The following SDK1 variants were observed in gnomAD, a reference collection of about 807,000 sequenced individuals.
SDK1 encodes the protein protein sidekick-1.
Under a neutral mutation model 245.5 loss-of-function variants are expected in SDK1, and 157 were observed. The observed-to-expected ratio is 0.64, with a 90% CI of 0.56 to 0.73. The LOEUF (loss-of-function observed/expected upper bound fraction) is 0.73, where lower values mean the gene tolerates loss of function less well. Among genes scored for constraint, SDK1 ranks in the 30% least tolerant of loss-of-function variants. The pLI is 0.00. For synonymous variants in SDK1, 1,647 were observed against 1,278.5 expected, an observed-to-expected ratio of 1.29 and a Z score of -6.15; for missense variants, 3,583 against 3,002.3, an observed-to-expected ratio of 1.19 and a Z score of -4.52.
chr7:3,987,122 C>G (rs891877635), intron 13 of SDK1, 64 bp from the exon 14 acceptor site: 2 of 1,568,310 alleles, frequency 1.3e-6, no homozygotes, highest in African/African-American at 1.4e-5. Context: ...TGTAAGAGCT[C>G]AGGCTCACCA....
intron 5 of SDK1, among the ~76,000 whole-genome samples, chr7:3,832,009 C>T (rs112318119): frequency 0.06 from 9,074 of 152,144 alleles, 896 homozygotes; most frequent in African/African-American, 0.2. Flanking sequence ...TGAGATCACA[C>T]CACTGTACTC....
rs114180794 is a variant in SDK1, at chr7:3,730,325, C to T, written c.713+88220C>T. Among the ~76,000 whole-genome samples, 848 of 152,166 alleles carry T rather than the reference C, an allele frequency of 5.6e-3. 6 individuals carry two copies. Among genetic ancestry groups the T allele is most frequent in the African/African-American group, 0.019 (785 of 41,504 alleles). On this transcript the variant is annotated intron_variant, in intron 4 of 44. Coordinates refer to ENST00000404826, the MANE Select transcript of SDK1 (RefSeq NM_152744.4). ...CCTGTTGTTAAAGGAATCTGACAGCCGAGGCATCAGGCTGCTTTCTTCAGC... is the reference window on the plus strand; with the variant it reads ...CCTGTTGTTAAAGGAATCTGACAGCTGAGGCATCAGGCTGCTTTCTTCAGC...
chr7:3,426,266 G>T (rs1779673660), intron 1 of SDK1, among the ~76,000 whole-genome samples: 1 of 152,180 alleles, frequency 6.6e-6, no homozygotes, highest in South Asian at 2.1e-4. Flanking sequence ...AGACTGGCAG[G>T]AAGGGACTGC....
intron 32 of SDK1, among the ~76,000 whole-genome samples, chr7:4,173,746 C>T (rs1022222191): frequency 3.9e-5 from 6 of 152,164 alleles, no homozygotes; most frequent in African/African-American, 1.2e-4. Context: ...AGTGGGGTGG[C>T]CTGGCATGGG....
At chr7:3,907,428 T>A (rs138733387) in intron 5 of SDK1, among the ~76,000 whole-genome samples, 63 of 152,350 alleles carry the variant, frequency 4.1e-4, no homozygotes, top group African/African-American at 1.5e-3. Flanking sequence ...TTGTCTACAT[T>A]GTAGCATGTG....
chr7:3,641,268 C>A (rs1242228998), intron 3 of SDK1, among the ~76,000 whole-genome samples: 1 of 152,084 alleles, frequency 6.6e-6, no homozygotes, highest in Non-Finnish European at 1.5e-5. Context: ...AATATGGAAT[C>A]TTATTCAAAA....
chr7:4,147,188 T>G (rs1780040064), intron 29 of SDK1, among the ~76,000 whole-genome samples: 1 of 152,196 alleles, frequency 6.6e-6, no homozygotes, highest in South Asian at 2.1e-4. Context: ...CTATTTTTGT[T>G]TTTTTATTTT....
chr7:3,678,108 C>T (rs533771330), intron 4 of SDK1, among the ~76,000 whole-genome samples: 1 of 152,226 alleles, frequency 6.6e-6, no homozygotes, highest in East Asian at 1.9e-4. Flanking sequence ...CTTGTAACAG[C>T]TAATATAAAA....
chr7:3,634,106 C>G (rs745551917), intron 2 of SDK1, among the ~76,000 whole-genome samples: 1 of 152,112 alleles, frequency 6.6e-6, no homozygotes, highest in African/African-American at 2.4e-5. Flanking sequence ...AGAGCTGGTA[C>G]CTGTAGAGGC....
chr7:3,774,221 A>G (rs1237193613), intron 4 of SDK1, among the ~76,000 whole-genome samples: 1 of 151,870 alleles, frequency 6.6e-6, no homozygotes, highest in Non-Finnish European at 1.5e-5. Context: ...TCTCAAAAAA[A>G]AAAAAAAAAA....
At chr7:4,199,264 C>T (rs1407818020) in intron 35 of SDK1, among the ~76,000 whole-genome samples, 1 of 152,170 alleles carries the variant, frequency 6.6e-6, no homozygotes, top group Non-Finnish European at 1.5e-5. Flanking sequence ...TCTGTGAGGA[C>T]CCGGATCTTC....
chr7:3,358,532 G>A (rs1352428315), intron 1 of SDK1, among the ~76,000 whole-genome samples: 2 of 151,856 alleles, frequency 1.3e-5, no homozygotes, highest in Admixed American at 6.6e-5. Flanking sequence ...CCCAGAGTCA[G>A]CCATCATTAC....
At chr7:4,263,529 A>G in intron 44 of SDK1, among the ~76,000 whole-genome samples, 1 of 85,508 alleles carries the variant, frequency 1.2e-5, no homozygotes, top group Non-Finnish European at 2.4e-5. Flanking sequence ...CTGAGTGGGG[A>G]GGCCGCGTAG....
intron 1 of SDK1, among the ~76,000 whole-genome samples, chr7:3,414,237 G>A (rs1181014661): frequency 1.3e-5 from 2 of 152,088 alleles, no homozygotes; most frequent in African/African-American, 2.4e-5. Context: ...GTTGGGGTGC[G>A]GAGGAGGAGG....
intron 5 of SDK1, among the ~76,000 whole-genome samples, chr7:3,877,114 C>G (rs1583502404): frequency 6.6e-6 from 1 of 152,268 alleles, no homozygotes; most frequent in East Asian, 1.9e-4. Context: ...GGCATGGATA[C>G]AAATTCTGGC....
rs755447574 is a variant in SDK1, at chr7:3,830,520, G to A, written c.847+8937G>A. 2.0e-5 allele frequency among the ~76,000 whole-genome samples: 3 copies of A among 152,274 alleles called. No individual in the cohort carries two copies. In the East Asian group the frequency reaches 5.8e-4, roughly 29 times the overall value. On this transcript the variant is annotated intron_variant, in intron 5 of 44. Coordinates refer to ENST00000404826, the MANE Select transcript of SDK1 (RefSeq NM_152744.4). ...TTGTTTTGTTTTGTTTTTGGAGACA[G>A]GGTCTTGCTCTGTCACCCAGGCTGG...
intron 5 of SDK1, among the ~76,000 whole-genome samples, chr7:3,905,520 TG>T (rs1778869218): frequency 1.3e-5 from 2 of 152,238 alleles, no homozygotes; most frequent in Admixed American, 1.3e-4. Flanking sequence ...TTTTTAGGGT[TG>T]TTTTTTCCTT....
chr7:3,583,803 A>C (rs1233671339), intron 1 of SDK1, among the ~76,000 whole-genome samples: 1 of 152,112 alleles, frequency 6.6e-6, no homozygotes, highest in African/African-American at 2.4e-5. Flanking sequence ...CGGCATCTGC[A>C]ACAGTAGAAT....
In SDK1 at chr7:3,903,243, A is replaced by T. The variant is rs536477005; in HGVS notation, c.848-47680A>T. Among the ~76,000 whole-genome samples, 139 of 150,216 alleles carry T rather than the reference A, an allele frequency of 9.3e-4. 2 individuals carry two copies. The highest frequency in any genetic ancestry group is 3.0e-3 in the African/African-American group (122 of 40,730). ...ACTGCAAGCTCCACCTCCCGGGTTC[A>T]CTCCATTCTCCTGCCTCAGCCTCCC... On this transcript the variant is annotated intron_variant, in intron 5 of 44. Coordinates refer to ENST00000404826, the MANE Select transcript of SDK1 (RefSeq NM_152744.4).
Sources: allele counts gnomAD v4.1 joint callset (sites outside exome capture counted in the v4.1 genomes callset), GRCh38; gene constraint gnomAD v4.1.1; transcripts MANE v1.5; gene names NCBI Gene and HGNC (gene_info 2026-07-23, HGNC 2026-07-21).